Variants in CDCP2 observed in about 807,000 individuals in gnomAD.
CDCP2 encodes the protein CUB domain-containing protein 2.
Under a neutral mutation model 31.0 loss-of-function variants are expected in CDCP2, and 31 were observed. The ratio of observed to expected loss-of-function variants is 1.00; its 90% CI spans 0.75 to 1.35. The LOEUF (loss-of-function observed/expected upper bound fraction) is 1.35. Ranked by LOEUF, CDCP2 falls within the 40% of genes most tolerant of loss-of-function variation. The pLI is 0.00. For missense variants in CDCP2, 443 were observed against 482.6 expected (o/e 0.92, Z 0.77); for synonymous variants, 206 against 207.9 (o/e 0.99, Z 0.08).
intron 4 of CDCP2, among the ~76,000 whole-genome samples, chr1:54,137,556 G>C (rs1351753786): frequency 6.6e-6 from 1 of 152,162 alleles, no homozygotes; most frequent in East Asian, 1.9e-4. Context: ...CAACCGGGTC[G>C]ACAGGATTTC....
At chr1:54,151,363 C>T (rs1659580767) in intron 1 of CDCP2, among the ~76,000 whole-genome samples, 1 of 152,150 alleles carries the variant, frequency 6.6e-6, no homozygotes, top group African/African-American at 2.4e-5. Context: ...GCCTTTATGG[C>T]AAAAGGACAA....
intron 5 of CDCP2, among the ~76,000 whole-genome samples, 190 bp downstream of exon 5, chr1:54,136,440 T>TAC (rs1378168819): frequency 6.6e-6 from 1 of 152,184 alleles, no homozygotes; most frequent in African/African-American, 2.4e-5. Context: ...CTGTCTCTCC[T>TAC]ATTGGAGTTC....
chr1:54,147,499 C>T (rs1459960776), intron 1 of CDCP2, among the ~76,000 whole-genome samples: 2 of 151,694 alleles, frequency 1.3e-5, no homozygotes, highest in African/African-American at 2.4e-5. Context: ...TCCTGAGTAG[C>T]TAGATTACAG....
chr1:54,137,199 T>C (rs1050227582), intron 4 of CDCP2, among the ~76,000 whole-genome samples: 2 of 152,240 alleles, frequency 1.3e-5, no homozygotes, highest in East Asian at 3.8e-4. Context: ...TGGCCTGCTA[T>C]GTTCAGGTCC....
At chr1:54,140,537 A>T (rs1659349037) in intron 3 of CDCP2, 1 of 246,632 alleles carries the variant, frequency 4.1e-6, no homozygotes, top group South Asian at 5.3e-5. Context: ...GCCTTTGCAC[A>T]TGCTGTTCCT....
intron 1 of CDCP2, among the ~76,000 whole-genome samples, chr1:54,146,917 A>G (rs534798598): frequency 6.6e-6 from 1 of 151,518 alleles, no homozygotes; most frequent in Admixed American, 6.6e-5. Flanking sequence ...CTCTACTAAA[A>G]ATACAAAAAT....
At chr1:54,140,978 G>T in intron 3 of CDCP2, 120 bp downstream of exon 3, 1 of 776,584 alleles carries the variant, frequency 1.3e-6, no homozygotes, top group Non-Finnish European at 2.0e-6. Context: ...TCCAGGCAGA[G>T]AGAGTGCAGA....
At chr1:54,135,347 C>T (rs770489714) in intron 5 of CDCP2, among the ~76,000 whole-genome samples, 6 of 152,138 alleles carry the variant, frequency 3.9e-5, no homozygotes, top group African/African-American at 4.8e-5. Flanking sequence ...TGCTGTCAGC[C>T]GTTTGAGCTG....
rs1659373611 is a variant in CDCP2, at chr1:54,141,436, G to A, written c.428-3C>T. The A allele has an allele frequency of 6.3e-7, 1 of 1,593,116 alleles. No individual in the cohort carries two copies. Among genetic ancestry groups the A allele is most frequent in the African/African-American group, 1.3e-5 (1 of 74,460 alleles). ...AGTCAGGACGCCGCCACACACATCT[G>A]CAAGGGAGCCCACTTGAGCTGACCT... On this transcript the variant is annotated splice_polypyrimidine_tract_variant and splice_region_variant and intron_variant, in intron 2 of 5. Transcript: ENST00000530059.
chr1:54,135,800 A>G (rs1659249422), intron 5 of CDCP2, among the ~76,000 whole-genome samples: 1 of 152,044 alleles, frequency 6.6e-6, no homozygotes, highest in Non-Finnish European at 1.5e-5. Context: ...GAGGGGCCAG[A>G]GGCATACATG....
intron 2 of CDCP2, 198 bp from the exon 3 acceptor site, chr1:54,141,631 T>G (rs1659377772): frequency 3.7e-6 from 2 of 547,654 alleles, no homozygotes; most frequent in Non-Finnish European, 6.5e-6. Flanking sequence ...TGCTGCCTGT[T>G]CAAATCCTCA....
chr1:54,139,172 A>C lies in CDCP2; in HGVS notation c.1117+581T>G, dbSNP rs568871720. On this transcript the variant is annotated intron_variant, in intron 4 of 5. Transcript: ENST00000530059. ...TCCCCTGTCCCCTCCAGTCTTGAAC[A>C]TGGATGCGATGCCTGGAGCTATGGC... is the stretch of plus-strand genomic sequence containing the variant. 3 of 234,100 alleles carry C rather than the reference A, an allele frequency of 1.3e-5. No individual in the cohort carries two copies. In the South Asian group the frequency reaches 2.4e-4, roughly 19 times the overall value. 14.5% of individuals were successfully genotyped at this position (234,100 alleles called of 1,614,324 possible). A position where few individuals can be genotyped will look rare whatever the true frequency, so the allele number is the denominator to read the frequency against.
chr1:54,133,821 G>A (rs1447992603), intron 5 of CDCP2, among the ~76,000 whole-genome samples: 2 of 151,654 alleles, frequency 1.3e-5, no homozygotes, highest in Non-Finnish European at 2.9e-5. Context: ...GCATGAACCC[G>A]GGAGGTGGAG....
At chr1:54,141,564 C>T in intron 2 of CDCP2, 131 bp from the exon 3 acceptor site, 1 of 738,804 alleles carries the variant, frequency 1.4e-6, no homozygotes, top group South Asian at 1.9e-5. Flanking sequence ...ATCCAGCAAG[C>T]ACCTGCTACC....
At chr1:54,137,022 G>A (rs1396900199) in intron 4 of CDCP2, among the ~76,000 whole-genome samples, 1 of 152,218 alleles carries the variant, frequency 6.6e-6, no homozygotes, top group Non-Finnish European at 1.5e-5. Context: ...CTCAGGGAAG[G>A]CACCAAGTTT....
At chr1:54,140,182 G>T (rs187587547) in intron 3 of CDCP2, 76 bp from the exon 4 acceptor site, 28 of 1,424,588 alleles carry the variant, frequency 2.0e-5, no homozygotes, top group Non-Finnish European at 2.8e-5. Flanking sequence ...TTACAGCTTA[G>T]GCAGCAGGTG....
exon 2 of CDCP2, chr1:54,144,722 G>A (rs1570067642): frequency 2.5e-6 from 4 of 1,614,258 alleles, no homozygotes; most frequent in Non-Finnish European, 1.7e-6. Flanking sequence ...CGATCAGCCA[G>A]CTGCACTCTG....
chr1:54,144,268 G>A (rs776525436), intron 2 of CDCP2, 198 bp downstream of exon 2: 410 of 563,050 alleles, frequency 7.3e-4, no homozygotes, highest in Non-Finnish European at 1.0e-3. Flanking sequence ...AGCAGCCTAC[G>A]TGCCAAGATG....
intron 2 of CDCP2, chr1:54,142,802 C>T (rs1659397030): frequency 6.6e-6 from 1 of 152,210 alleles, no homozygotes; most frequent in Non-Finnish European, 1.5e-5. Context: ...CGGAGACTTC[C>T]CAACTGTGCC....
Sources: allele counts gnomAD v4.1 joint callset (sites outside exome capture counted in the v4.1 genomes callset), GRCh38; gene constraint gnomAD v4.1.1; transcripts MANE v1.5; gene names NCBI Gene and HGNC (gene_info 2026-07-23, HGNC 2026-07-21).